Variants in MTUS2 observed in about 807,000 individuals in gnomAD.
MTUS2 encodes the protein microtubule-associated tumor suppressor candidate 2.
In MTUS2, 40 loss-of-function variants were observed where a neutral mutation model predicts 114.1. The ratio of observed to expected loss-of-function variants is 0.35; its 90% confidence interval spans 0.27 to 0.46. The LOEUF is 0.46. Among genes scored for constraint, MTUS2 ranks in the 20% least tolerant of loss-of-function variants. MTUS2 has a pLI of 1.00. For missense variants in MTUS2, 1,679 were observed against 1,705.4 expected (o/e 0.98, Z 0.27); for synonymous variants, 688 against 672.0 (o/e 1.02, Z -0.37).
chr13:29,375,768 C>T (rs1005438104), intron 8 of MTUS2, among the ~76,000 whole-genome samples: 4 of 150,612 alleles, frequency 2.7e-5, no homozygotes, highest in African/African-American at 9.8e-5. Context: ...TATGTTCTCA[C>T]TTATAAGTGG....
intron 9 of MTUS2, among the ~76,000 whole-genome samples, chr13:29,451,751 A>AT (rs1217000983): frequency 4.6e-5 from 7 of 151,522 alleles, no homozygotes; most frequent in African/African-American, 1.2e-4. Flanking sequence ...TACCCAGCTA[A>AT]TTTTTTTTGT....
rs1240459977 is a variant in MTUS2, at chr13:29,384,071, G to A, written c.3117+24598G>A. The stretch of plus-strand genomic sequence containing the variant: ...TTAAGCTAATGAATGCTTTTTCAGT[G>A]CATTCAGCAAAATCCCCAAAGGGAG... On this transcript the variant is annotated intron_variant, in intron 8 of 15. Transcript: ENST00000612955. Among the ~76,000 whole-genome samples the A allele has an allele frequency of 2.0e-5, 3 of 152,140 alleles. No individual in the cohort carries two copies. The East Asian group carries it at 5.8e-4, about 29-fold the overall frequency.
chr13:29,327,020 T>C (rs1900546890), intron 7 of MTUS2, among the ~76,000 whole-genome samples: 1 of 152,086 alleles, frequency 6.6e-6, no homozygotes, highest in Admixed American at 6.6e-5. Flanking sequence ...AAAAATAAAT[T>C]ACTAGACTGT....
At chr13:28,952,089 A>G (rs1882838359) in intron 2 of MTUS2, among the ~76,000 whole-genome samples, 2 of 152,232 alleles carry the variant, frequency 1.3e-5, no homozygotes. Context: ...TCCTGTCACA[A>G]TTATTACTGT....
chr13:29,303,278 GAC>G (rs1899289845), intron 6 of MTUS2, among the ~76,000 whole-genome samples: 1 of 152,322 alleles, frequency 6.6e-6, no homozygotes, highest in African/African-American at 2.4e-5. Context: ...CTGCAGCAAG[GAC>G]ACAGAACTGG....
At chr13:29,329,141 T>A (rs1013199250) in intron 7 of MTUS2, among the ~76,000 whole-genome samples, 14 of 152,218 alleles carry the variant, frequency 9.2e-5, no homozygotes, top group East Asian at 3.9e-4. Context: ...TACCCTTTTT[T>A]AAAATTATAC....
At chr13:28,867,920 T>C (rs1040120325) in intron 2 of MTUS2, among the ~76,000 whole-genome samples, 1 of 152,248 alleles carries the variant, frequency 6.6e-6, no homozygotes, top group African/African-American at 2.4e-5. Flanking sequence ...GCTCAGACTC[T>C]AGGGCCCTGA....
intron 5 of MTUS2, among the ~76,000 whole-genome samples, chr13:29,224,774 T>C (rs927049074): frequency 8.9e-5 from 10 of 112,578 alleles, no homozygotes; most frequent in African/African-American, 3.1e-4. Flanking sequence ...TTGTTGCTAC[T>C]GTTTCTCTTT....
At position 28,954,646 on chromosome 13, in the gene MTUS2, G is replaced by C. The variant is rs115105353; in HGVS notation, c.-242-69811G>C. 7.1e-3 allele frequency among the ~76,000 whole-genome samples: 1,083 copies of C among 152,182 alleles called. 9 individuals are homozygous for C. The highest frequency in any genetic ancestry group is 0.025 in the African/African-American group (1,026 of 41,504). Reference sequence around the variant, plus strand: ...GAAGTGGAGCCGTGAAGCAGAGGTAGGATTTTAACAGGTGGAATGGAAAAG... The same window carrying C: ...GAAGTGGAGCCGTGAAGCAGAGGTACGATTTTAACAGGTGGAATGGAAAAG... On this transcript the variant is annotated intron_variant, in intron 2 of 15. Transcript: ENST00000612955.
chr13:29,467,198 G>A (rs1056173067), intron 9 of MTUS2, among the ~76,000 whole-genome samples: 7 of 152,148 alleles, frequency 4.6e-5, no homozygotes, highest in Non-Finnish European at 5.9e-5. Flanking sequence ...TCTACATAGC[G>A]AAGAGTGGTC....
intron 5 of MTUS2, among the ~76,000 whole-genome samples, chr13:29,212,054 T>G (rs571941608): frequency 1.3e-5 from 2 of 152,212 alleles, no homozygotes; most frequent in African/African-American, 4.8e-5. Flanking sequence ...TGGTTGGAGG[T>G]CTTTCTTTCA....
At chr13:29,167,335 A>G (rs983926433) in intron 5 of MTUS2, among the ~76,000 whole-genome samples, 19 of 151,812 alleles carry the variant, frequency 1.3e-4, no homozygotes, top group African/African-American at 4.6e-4. Flanking sequence ...AGATCTCACC[A>G]CTGCACTCCA....
At chr13:29,106,948 A>AT (rs1405172740) in intron 5 of MTUS2, among the ~76,000 whole-genome samples, 1 of 151,784 alleles carries the variant, frequency 6.6e-6, no homozygotes, top group African/African-American at 2.4e-5. Flanking sequence ...AACTAGCCAA[A>AT]TGTGAGTAAC....
chr13:28,984,811 T>C (rs970740995), intron 2 of MTUS2, among the ~76,000 whole-genome samples: 1 of 152,270 alleles, frequency 6.6e-6, no homozygotes, highest in African/African-American at 2.4e-5. Context: ...TCAGATACGT[T>C]ATTTCTGAAG....
chr13:29,427,356 TAGAA>T (rs1306436039), intron 8 of MTUS2, among the ~76,000 whole-genome samples: 3 of 152,214 alleles, frequency 2.0e-5, no homozygotes, highest in African/African-American at 7.2e-5. Context: ...TTCCATATAA[TAGAA>T]AGGCATTGAA....
At chr13:29,247,981 A>G (rs1896987411) in intron 5 of MTUS2, among the ~76,000 whole-genome samples, 1 of 152,244 alleles carries the variant, frequency 6.6e-6, no homozygotes, top group South Asian at 2.1e-4. Context: ...TCACAATTCC[A>G]AAAATGTGGA....
chr13:29,260,864 A>T (rs1002757200), intron 5 of MTUS2, among the ~76,000 whole-genome samples: 3 of 152,124 alleles, frequency 2.0e-5, no homozygotes, highest in Non-Finnish European at 2.9e-5. Flanking sequence ...AGAAAGGGAG[A>T]TTGCTACTGG....
chr13:29,167,422 C>CT (rs56408684), intron 5 of MTUS2, among the ~76,000 whole-genome samples: 10 of 144,638 alleles, frequency 6.9e-5, no homozygotes, highest in East Asian at 4.0e-4. Flanking sequence ...TTTTTTCTTT[C>CT]TTTTTTTTTT....
intron 5 of MTUS2, among the ~76,000 whole-genome samples, chr13:29,203,694 C>T (rs1446660765): frequency 6.6e-6 from 1 of 151,984 alleles, no homozygotes; most frequent in Non-Finnish European, 1.5e-5. Context: ...GTTGTGAAGA[C>T]CATGGGAAAA....
Sources: allele counts gnomAD v4.1 joint callset (sites outside exome capture counted in the v4.1 genomes callset), GRCh38; gene constraint gnomAD v4.1.1; transcripts MANE v1.5; gene names NCBI Gene and HGNC (gene_info 2026-07-23, HGNC 2026-07-21).